Variants in MACROD1 observed in about 807,000 individuals in gnomAD.
MACROD1 encodes the protein mono-ADP ribosylhydrolase 1, also known as ADP-ribose glycohydrolase MACROD1.
A neutral mutation model predicts 41.4 loss-of-function variants in MACROD1; 31 were observed. That is an observed-to-expected ratio of 0.75 (90% CI 0.56 to 1.01). MACROD1 has a LOEUF of 1.01. Among genes scored for constraint, MACROD1 ranks in the 50% least tolerant of loss-of-function variants. The probability of loss-of-function intolerance (pLI) is 0.00; values close to 1 mark genes in which losing one functional copy is unlikely to be tolerated. For missense variants in MACROD1, 473 were observed against 460.0 expected (o/e 1.03, Z -0.26); for synonymous variants, 252 against 203.4 (o/e 1.24, Z -2.03).
At chr11:64,070,199 A>T (rs1310808321) in intron 3 of MACROD1, among the ~76,000 whole-genome samples, 3 of 152,078 alleles carry the variant, frequency 2.0e-5, no homozygotes, top group African/African-American at 4.8e-5. Flanking sequence ...GGCGACAGAG[A>T]TGTGAGGTGA....
At chr11:64,024,143 G>A (rs966769434) in intron 3 of MACROD1, among the ~76,000 whole-genome samples, 1 of 152,202 alleles carries the variant, frequency 6.6e-6, no homozygotes, top group Non-Finnish European at 1.5e-5. Context: ...GGAATACCAT[G>A]AGCATGCAAC....
At chr11:64,051,093 C>G (rs1943685395) in intron 3 of MACROD1, among the ~76,000 whole-genome samples, 1 of 152,240 alleles carries the variant, frequency 6.6e-6, no homozygotes, top group South Asian at 2.1e-4. Flanking sequence ...GAGATTCACT[C>G]CATGGATGCT....
At chr11:64,078,600 C>G (rs1944246993) in intron 3 of MACROD1, among the ~76,000 whole-genome samples, 3 of 152,138 alleles carry the variant, frequency 2.0e-5, no homozygotes, top group Admixed American at 2.0e-4. Context: ...TGGGGGGTGG[C>G]CACAGGATTG....
intron 3 of MACROD1, among the ~76,000 whole-genome samples, chr11:64,072,949 T>A (rs1590869972): frequency 6.6e-6 from 1 of 152,142 alleles, no homozygotes; most frequent in South Asian, 2.1e-4. Context: ...AGTGGAACCC[T>A]CTGATCTGTT....
intron 3 of MACROD1, among the ~76,000 whole-genome samples, chr11:64,131,617 C>T (rs532978440): frequency 2.6e-5 from 4 of 152,294 alleles, no homozygotes; most frequent in South Asian, 2.1e-4. Flanking sequence ...TGAGCCACCG[C>T]GCCCAGCCCC....
At chr11:64,137,362 T>G (rs1466950295) in intron 3 of MACROD1, among the ~76,000 whole-genome samples, 1 of 151,744 alleles carries the variant, frequency 6.6e-6, no homozygotes, top group African/African-American at 2.4e-5. Context: ...AAACCATCCT[T>G]GGGGGAGATA....
chr11:64,150,838 A>G (rs952559989), intron 3 of MACROD1, among the ~76,000 whole-genome samples: 2 of 152,128 alleles, frequency 1.3e-5, no homozygotes, highest in Non-Finnish European at 2.9e-5. Flanking sequence ...TCCCTCGACA[A>G]GCTCCCTCAC....
intron 3 of MACROD1, among the ~76,000 whole-genome samples, chr11:64,143,416 A>C (rs537118408): frequency 1.1e-3 from 167 of 152,210 alleles, no homozygotes; most frequent in African/African-American, 3.9e-3. Context: ...AGGAACACTC[A>C]GTACCAAGCG....
chr11:64,114,146 GAATGA>G, intron 3 of MACROD1, among the ~76,000 whole-genome samples: 3 of 151,360 alleles, frequency 2.0e-5, no homozygotes, highest in Admixed American at 6.6e-5. Flanking sequence ...CTGAATGGAT[GAATGA>G]ACAAGTGGAT....
chr11:63,999,488 T>C, intron 7 of MACROD1, 42 bp downstream of exon 7: 1 of 1,584,154 alleles, frequency 6.3e-7, no homozygotes, highest in Non-Finnish European at 8.6e-7. Flanking sequence ...GGCGTCTGGG[T>C]CCACCGCCCA....
At chr11:64,147,272 G>GTGTT (rs1189160078) in intron 3 of MACROD1, among the ~76,000 whole-genome samples, 1 of 151,834 alleles carries the variant, frequency 6.6e-6, no homozygotes, top group East Asian at 1.9e-4. Context: ...GGGTGCCACT[G>GTGTT]TGTTGCTCAA....
intron 1 of MACROD1, among the ~76,000 whole-genome samples, chr11:64,160,584 G>A (rs1451894549): frequency 6.6e-6 from 1 of 152,108 alleles, no homozygotes; most frequent in Non-Finnish European, 1.5e-5. Context: ...GCGGAGGTGG[G>A]AGGATCACTT....
intron 3 of MACROD1, among the ~76,000 whole-genome samples, chr11:64,071,239 C>T (rs540799478): frequency 2.0e-5 from 3 of 151,944 alleles, no homozygotes; most frequent in Admixed American, 1.3e-4. Context: ...CTGTCAGGTA[C>T]CTCTCTCTCT....
At chr11:64,114,221 T>C (rs1944924425) in intron 3 of MACROD1, among the ~76,000 whole-genome samples, 5 of 150,020 alleles carry the variant, frequency 3.3e-5, no homozygotes, top group East Asian at 2.0e-4. Flanking sequence ...GATGGATGAA[T>C]GGACAGATGG....
intron 3 of MACROD1, among the ~76,000 whole-genome samples, chr11:64,081,267 C>T (rs1478233435): frequency 6.6e-6 from 1 of 152,200 alleles, no homozygotes; most frequent in East Asian, 1.9e-4. Context: ...GGTGATCTGC[C>T]CACCTCGGCC....
chr11:64,112,409 G>C (rs923759317), intron 3 of MACROD1, among the ~76,000 whole-genome samples: 1 of 152,144 alleles, frequency 6.6e-6, no homozygotes, highest in African/African-American at 2.4e-5. Flanking sequence ...AGCTACTCAG[G>C]AGGCTGAAGC....
intron 4 of MACROD1, among the ~76,000 whole-genome samples, chr11:64,000,935 C>A (rs964995683): frequency 5.3e-5 from 8 of 152,240 alleles, no homozygotes; most frequent in Non-Finnish European, 1.0e-4. Flanking sequence ...TCTGGGTCTT[C>A]CAGCCGCGCG....
chr11:64,092,227 G>A (rs1033379463), intron 3 of MACROD1, among the ~76,000 whole-genome samples: 4 of 152,196 alleles, frequency 2.6e-5, no homozygotes, highest in Non-Finnish European at 5.9e-5. Flanking sequence ...CGTCTCCCCT[G>A]TTCTTGTCTT....
At chr11:64,111,002 C>T (rs916711855) in intron 3 of MACROD1, among the ~76,000 whole-genome samples, 3 of 152,210 alleles carry the variant, frequency 2.0e-5, no homozygotes, top group African/African-American at 7.2e-5. Context: ...ATGAGGCCCA[C>T]AGACAGTGGA....
Sources: allele counts gnomAD v4.1 joint callset (sites outside exome capture counted in the v4.1 genomes callset), GRCh38; gene constraint gnomAD v4.1.1; transcripts MANE v1.5; gene names NCBI Gene and HGNC (gene_info 2026-07-23, HGNC 2026-07-21).